RUNDC3B: variants seen among roughly 807,000 people sequenced by gnomAD.
RUNDC3B encodes RUN domain containing 3B, also known as RUN domain-containing protein 3B.
In RUNDC3B, 33 loss-of-function variants were observed where a neutral mutation model predicts 58.4. The ratio of observed to expected loss-of-function variants is 0.56; its 90% CI spans 0.43 to 0.75. RUNDC3B has a LOEUF of 0.75. RUNDC3B is among the 30% of genes least tolerant of loss of function. The pLI is 0.00. For synonymous variants in RUNDC3B, 193 were observed against 195.2 expected (o/e 0.99, Z 0.10); for missense variants, 501 against 535.7 (o/e 0.94, Z 0.64).
At chr7:87,801,977 AT>A (rs963535230) in intron 8 of RUNDC3B, among the ~76,000 whole-genome samples, 3 of 152,142 alleles carry the variant, frequency 2.0e-5, no homozygotes, top group African/African-American at 7.2e-5. Context: ...TGAGAAAATA[AT>A]TTCCTCCTGA....
Position 87,700,474 on chromosome 7 carries a change from A to G in RUNDC3B, c.292A>G (p.Arg98Gly), listed in dbSNP as rs1828933382. ...ESPRSFWDYI[R>G]VACRKVSQNC... ...TCCTCGTAGCTTCTGGGACTATATCAGAGTGGCTTGCCGGAAAGTTTCACA... is the reference window on the plus strand; with the variant it reads ...TCCTCGTAGCTTCTGGGACTATATCGGAGTGGCTTGCCGGAAAGTTTCACA... The change falls in exon 3 of 11, where the codon AGA becomes GGA. Residue 98 changes from arginine to glycine, a missense_variant. Physicochemically the swap from Arg to Gly is moderately radical, Grantham distance 125. Coordinates refer to ENST00000394654, the MANE Select transcript of RUNDC3B (RefSeq NM_001134405.2). 1 of 1,613,048 alleles carries G rather than the reference A, an allele frequency of 6.2e-7. No individual in the cohort carries two copies. Among genetic ancestry groups the G allele is most frequent in the South Asian group, 1.1e-5 (1 of 90,970 alleles).
chr7:87,718,976 T>C (rs1339602093), intron 4 of RUNDC3B, among the ~76,000 whole-genome samples: 1 of 151,928 alleles, frequency 6.6e-6, no homozygotes, highest in African/African-American at 2.4e-5. Flanking sequence ...GATTCAGTAA[T>C]AAAACTAAAT....
At chr7:87,740,106 A>AT (rs1405795004) in intron 5 of RUNDC3B, among the ~76,000 whole-genome samples, 1 of 152,158 alleles carries the variant, frequency 6.6e-6, no homozygotes, top group Non-Finnish European at 1.5e-5. Context: ...TGTAGCTTGG[A>AT]TAAAAAGAAA....
intron 8 of RUNDC3B, among the ~76,000 whole-genome samples, chr7:87,792,995 A>G (rs1433457953): frequency 2.0e-5 from 3 of 152,102 alleles, no homozygotes; most frequent in Admixed American, 6.5e-5. Flanking sequence ...AAATAAAATC[A>G]GAGATTAAAA....
At chr7:87,680,875 A>C (rs1456204584) in intron 2 of RUNDC3B, among the ~76,000 whole-genome samples, 1 of 150,682 alleles carries the variant, frequency 6.6e-6, no homozygotes, top group African/African-American at 2.5e-5. Flanking sequence ...AAAATGGAGG[A>C]AATAATAGAT....
Position 87,829,935 on chromosome 7 carries a change from G to T in RUNDC3B, c.1276G>T (p.Val426Leu). ...LLGLCGSLTSVASYKSLTSLK... is the reference protein window; with the variant it reads ...LLGLCGSLTSLASYKSLTSLK... ...TGGCCTCTGTGGATCTCTAACGTCA[G>T]TGGCAAGTTACAAGTCTCTAACAAG... is the stretch of plus-strand genomic sequence containing the variant. The change falls in exon 11 of 11, where the codon GTG becomes TTG. Residue 426 changes from valine to leucine, a missense_variant. By Grantham distance (32) the Val-to-Leu change is conservative. Coordinates refer to ENST00000394654, the MANE Select transcript of RUNDC3B (RefSeq NM_001134405.2). 1 of 1,609,136 alleles carries T rather than the reference G, an allele frequency of 6.2e-7. No homozygotes were observed. Among genetic ancestry groups the T allele is most frequent in the Non-Finnish European group, 8.5e-7 (1 of 1,176,796 alleles).
intron 9 of RUNDC3B, among the ~76,000 whole-genome samples, chr7:87,808,444 A>G (rs994570997): frequency 1.6e-4 from 24 of 152,104 alleles, no homozygotes; most frequent in African/African-American, 5.1e-4. Context: ...AGTACAAACA[A>G]TTTCCACCTG....
chr7:87,826,013 G>T (rs1278653507), intron 10 of RUNDC3B, among the ~76,000 whole-genome samples: 1 of 152,168 alleles, frequency 6.6e-6, no homozygotes, highest in African/African-American at 2.4e-5. Context: ...ACATTGGACT[G>T]TGGACTTTTG....
Position 87,665,430 on chromosome 7 carries a change from T to C in RUNDC3B, c.238+14493T>C, listed in dbSNP as rs187099903. ...AGTTACTAAACATTGATTAAATAAA[T>C]TGTAGAAGACACAAATAAATAGAAA... is the stretch of plus-strand genomic sequence containing the variant. On this transcript the variant is annotated intron_variant, in intron 2 of 10. Transcript: ENST00000394654. Among the ~76,000 whole-genome samples the C allele has an allele frequency of 1.5e-4, 23 of 152,202 alleles. No homozygotes were observed. The East Asian group carries it at 4.5e-3, about 30-fold the overall frequency.
At chr7:87,754,618 C>CA (rs1833246670) in intron 6 of RUNDC3B, among the ~76,000 whole-genome samples, 2 of 151,814 alleles carry the variant, frequency 1.3e-5, no homozygotes, top group Admixed American at 1.3e-4. Context: ...AAGACACACA[C>CA]AAAAAAATTC....
At chr7:87,644,948 T>G (rs1822833503) in intron 1 of RUNDC3B, among the ~76,000 whole-genome samples, 1 of 152,106 alleles carries the variant, frequency 6.6e-6, no homozygotes. Flanking sequence ...GGAATTAATG[T>G]AATATGGATG....
Position 87,829,975 on chromosome 7 carries a change from A to C in RUNDC3B, c.1316A>C (p.Asp439Ala). The C allele has an allele frequency of 6.2e-7, 1 of 1,609,634 alleles. No individual in the cohort carries two copies. The highest frequency in any genetic ancestry group is 8.5e-7 in the Non-Finnish European group (1 of 1,177,640). ...YKSLTSLKSN[D>A]YLASPTTEMT... is the part of the protein sequence containing the mutation. ...TCTCTAACAAGCTTAAAATCTAATG[A>C]CTACCTTGCAAGTCCTACAACAGAG... Residue 439 changes from aspartate (D) to alanine (A), a missense_variant, in exon 11 of 11, where the codon GAC (aspartate) becomes GCC (alanine). Physicochemically the swap from Asp to Ala is moderately radical, Grantham distance 126 (BLOSUM62 -2). Coordinates refer to ENST00000394654, the MANE Select transcript of RUNDC3B (RefSeq NM_001134405.2).
At chr7:87,809,333 TG>T (rs1364850572) in intron 9 of RUNDC3B, among the ~76,000 whole-genome samples, 1 of 152,152 alleles carries the variant, frequency 6.6e-6, no homozygotes, top group Non-Finnish European at 1.5e-5. Context: ...ATCTCAAAAC[TG>T]CTATCCCCAA....
chr7:87,628,946 G>A lies in RUNDC3B; in HGVS notation c.122+1G>A. 1 of 1,309,474 alleles carries A rather than the reference G, an allele frequency of 7.6e-7. No individual in the cohort carries two copies. Among genetic ancestry groups the A allele is most frequent in the Non-Finnish European group, 9.8e-7 (1 of 1,020,380 alleles). The allele number at this position is 1,309,474 out of a possible 1,614,324, so 81.1% of individuals were successfully genotyped here. On this transcript the variant is annotated splice_donor_variant, in intron 1 of 10. Coordinates refer to ENST00000394654, the MANE Select transcript of RUNDC3B (RefSeq NM_001134405.2). LOFTEE classifies it high-confidence loss of function. ...GGAGGAACCTGATCACCGTGTGCAG[G>A]TACGGCAGCGCAGGGCGAGGGGAAC...
At chr7:87,715,713 G>A (rs1830519725) in intron 4 of RUNDC3B, among the ~76,000 whole-genome samples, 1 of 151,512 alleles carries the variant, frequency 6.6e-6, no homozygotes, top group African/African-American at 2.4e-5. Flanking sequence ...TGTCTTGTTA[G>A]GAATAAACTG....
intron 2 of RUNDC3B, among the ~76,000 whole-genome samples, chr7:87,684,640 C>T (rs1344126883): frequency 6.8e-6 from 1 of 147,742 alleles, no homozygotes; most frequent in Non-Finnish European, 1.5e-5. Flanking sequence ...CCCAGCTACG[C>T]AGGAGGCTGA....
At chr7:87,747,342 C>T (rs879648147) in intron 6 of RUNDC3B, among the ~76,000 whole-genome samples, 1 of 152,156 alleles carries the variant, frequency 6.6e-6, no homozygotes, top group Non-Finnish European at 1.5e-5. Flanking sequence ...ATGGGTCTCT[C>T]AGCCGTGGAT....
chr7:87,811,978 A>G (rs1268873916), intron 9 of RUNDC3B, among the ~76,000 whole-genome samples: 1 of 152,168 alleles, frequency 6.6e-6, no homozygotes, highest in Admixed American at 6.5e-5. Flanking sequence ...ACATACATAT[A>G]TTTGTTTTTG....
intron 3 of RUNDC3B, among the ~76,000 whole-genome samples, chr7:87,705,683 T>G (rs1258119726): frequency 6.6e-6 from 1 of 152,206 alleles, no homozygotes; most frequent in Non-Finnish European, 1.5e-5. Flanking sequence ...GAATCAGCAC[T>G]CTTAGAAAAA....
Sources: gnomAD v4.1 joint callset for allele counts (sites outside exome capture counted in the v4.1 genomes callset) on GRCh38, gnomAD v4.1.1 for gene constraint, MANE v1.5 for transcripts, NCBI Gene and HGNC (gene_info 2026-07-23, HGNC 2026-07-21) for gene names.